CBFB: variants seen among roughly 807,000 people sequenced by gnomAD.
The protein encoded by CBFB is CBF-beta.
CBFB carries 9 observed loss-of-function variants against 30.4 expected under a neutral mutation model. The ratio of observed to expected loss-of-function variants is 0.30; its 90% CI spans 0.18 to 0.52. The LOEUF is 0.52. Ranked by LOEUF, CBFB falls within the 20% of genes least tolerant of loss-of-function variation. The probability of loss-of-function intolerance (pLI) is 0.97; values close to 1 mark genes in which losing one functional copy is unlikely to be tolerated. For missense variants in CBFB, 170 were observed against 244.0 expected (o/e 0.70, Z 2.02); for synonymous variants, 94 against 84.0 (o/e 1.12, Z -0.65).
In CBFB at chr16:67,054,845, C is replaced by T. The variant is rs375284818; in HGVS notation, c.283-11837C>T. 8.5e-5 allele frequency among the ~76,000 whole-genome samples: 13 copies of T among 152,174 alleles called. No individual in the cohort carries two copies. The East Asian group carries it at 1.2e-3, about 14-fold the overall frequency. On this transcript the variant is annotated intron_variant, in intron 3 of 5. Transcript: ENST00000412916. Reference sequence around the variant, plus strand: ...TCGCCTCACTGCAAGCTCCGCCTCCCGGGTTCACGCCATTCTCCTGCCTCA... The same window carrying T: ...TCGCCTCACTGCAAGCTCCGCCTCCTGGGTTCACGCCATTCTCCTGCCTCA...
At chr16:67,080,708 A>C (rs1961530934) in intron 4 of CBFB, among the ~76,000 whole-genome samples, 1 of 152,156 alleles carries the variant, frequency 6.6e-6, no homozygotes. Flanking sequence ...AGTTTCCAAC[A>C]TTTGTGTAGT....
At chr16:67,094,118 T>C (rs944341661) in intron 5 of CBFB, among the ~76,000 whole-genome samples, 2 of 98,302 alleles carry the variant, frequency 2.0e-5, no homozygotes, top group Non-Finnish European at 3.5e-5. Context: ...TTCCTCCCTC[T>C]TTTTTTTTTT....
intron 3 of CBFB, among the ~76,000 whole-genome samples, chr16:67,055,017 C>G (rs1597136794): frequency 6.6e-6 from 1 of 150,806 alleles, no homozygotes; most frequent in South Asian, 2.1e-4. Flanking sequence ...TGTTAGTATC[C>G]TCTTCTTGTT....
intron 5 of CBFB, among the ~76,000 whole-genome samples, 171 bp from the exon 6 acceptor site, chr16:67,098,539 T>C (rs887694318): frequency 1.3e-5 from 2 of 152,196 alleles, no homozygotes; most frequent in African/African-American, 4.8e-5. Context: ...TAGTAAAATA[T>C]GTCAGACATA....
chr16:67,042,374 C>T (rs1053176242), intron 3 of CBFB, among the ~76,000 whole-genome samples: 2 of 152,166 alleles, frequency 1.3e-5, no homozygotes, highest in Non-Finnish European at 2.9e-5. Flanking sequence ...GCCTCTAACT[C>T]CTGGCCTTAA....
chr16:67,085,958 T>G (rs966559946), intron 5 of CBFB, among the ~76,000 whole-genome samples: 9 of 152,144 alleles, frequency 5.9e-5, no homozygotes, highest in South Asian at 4.1e-4. Flanking sequence ...GATTACAGGC[T>G]TGAGCCACTG....
At chr16:67,041,661 G>A (rs563917456) in intron 3 of CBFB, among the ~76,000 whole-genome samples, 1 of 151,914 alleles carries the variant, frequency 6.6e-6, no homozygotes, top group Non-Finnish European at 1.5e-5. Flanking sequence ...TGGGGTTACT[G>A]TCATCGGGAT....
At chr16:67,078,791 A>G (rs1961476205) in intron 4 of CBFB, among the ~76,000 whole-genome samples, 1 of 152,098 alleles carries the variant, frequency 6.6e-6, no homozygotes, top group African/African-American at 2.4e-5. Context: ...CTGGGATTAC[A>G]GGGGCCTGCC....
chr16:67,048,775 G>T (rs891690179), intron 3 of CBFB, among the ~76,000 whole-genome samples: 1 of 147,348 alleles, frequency 6.8e-6, no homozygotes, highest in Non-Finnish European at 1.5e-5. Flanking sequence ...GGATGGTCTC[G>T]ATCTCTTGAC....
intron 3 of CBFB, among the ~76,000 whole-genome samples, chr16:67,041,556 C>G (rs189942898): frequency 2.0e-5 from 3 of 151,894 alleles, no homozygotes; most frequent in Non-Finnish European, 4.4e-5. Flanking sequence ...GAGCTGAGAT[C>G]GTGCCACTGC....
chr16:67,038,116 A>G (rs577205767), intron 3 of CBFB, among the ~76,000 whole-genome samples: 1 of 152,052 alleles, frequency 6.6e-6, no homozygotes, highest in South Asian at 2.1e-4. Context: ...CCAGTTTCAT[A>G]CTTTTTTTGT....
At chr16:67,067,767 A>G (rs1236651394) in intron 4 of CBFB, among the ~76,000 whole-genome samples, 3 of 152,208 alleles carry the variant, frequency 2.0e-5, no homozygotes, top group Non-Finnish European at 2.9e-5. Flanking sequence ...GCCCAGGCAT[A>G]TTGTTTAAAA....
intron 3 of CBFB, 81 bp downstream of exon 3, chr16:67,036,836 A>G (rs1966447200): frequency 2.4e-6 from 2 of 825,838 alleles, no homozygotes; most frequent in East Asian, 4.9e-5. Context: ...TTTAATAAAG[A>G]TCACAGATCT....
rs2145779175 is a variant in CBFB, at chr16:67,088,598, A to T, written c.495+6290A>T. On this transcript the variant is annotated intron_variant, in intron 5 of 5. Transcript: ENST00000412916. Reference sequence around the variant, plus strand: ...TGAAAAATAAAATCTGCCAGGAGAGATTAAGAACCGTTTTGCCTGGAATAG... The same window carrying T: ...TGAAAAATAAAATCTGCCAGGAGAGTTTAAGAACCGTTTTGCCTGGAATAG... Among the ~76,000 whole-genome samples the T allele has an allele frequency of 1.3e-5, 2 of 152,362 alleles. 1 individual carries two copies. Among genetic ancestry groups the T allele is most frequent in the South Asian group, 4.1e-4 (2 of 4,832 alleles).
intron 2 of CBFB, chr16:67,030,123 G>A: frequency 3.4e-6 from 1 of 296,688 alleles, no homozygotes; most frequent in East Asian, 6.7e-5. Flanking sequence ...AAGGGTTCAG[G>A]GTATTTGTAG....
At chr16:67,066,053 A>G (rs1961041848) in intron 3 of CBFB, among the ~76,000 whole-genome samples, 1 of 151,982 alleles carries the variant, frequency 6.6e-6, no homozygotes. Context: ...GTAGAAATCA[A>G]CTCTGGCTAA....
intron 2 of CBFB, among the ~76,000 whole-genome samples, chr16:67,036,165 C>G (rs1234572101): frequency 6.6e-6 from 1 of 152,138 alleles, no homozygotes; most frequent in Non-Finnish European, 1.5e-5. Flanking sequence ...ATTCCAAGTG[C>G]ATTTTTTATG....
chr16:67,054,973 C>T lies in CBFB; in HGVS notation c.283-11709C>T, dbSNP rs74429428. 1.7e-3 allele frequency among the ~76,000 whole-genome samples: 250 copies of T among 149,856 alleles called. 6 individuals carry two copies. In the East Asian group the frequency reaches 0.042, roughly 25 times the overall value. ...AGTAGAGACAGGGTTTCACCAAGAG[C>T]TCTTTTTTGTGTGTGCTACAAATGT... On this transcript the variant is annotated intron_variant, in intron 3 of 5. Transcript: ENST00000412916.
At chr16:67,074,576 T>G (rs527806509) in intron 4 of CBFB, among the ~76,000 whole-genome samples, 4 of 151,890 alleles carry the variant, frequency 2.6e-5, no homozygotes, top group Admixed American at 6.6e-5. Flanking sequence ...AGAGACGAGG[T>G]TTCACCATGT....
Sources: allele counts gnomAD v4.1 joint callset (sites outside exome capture counted in the v4.1 genomes callset), GRCh38; gene constraint gnomAD v4.1.1; transcripts MANE v1.5; gene names NCBI Gene and HGNC (gene_info 2026-07-23, HGNC 2026-07-21).